Variants in CNTNAP3B observed in about 807,000 individuals in gnomAD.
CNTNAP3B encodes the protein contactin associated protein family member 3B.
In CNTNAP3B, 25 loss-of-function variants were observed where a neutral mutation model predicts 108.9. The ratio of observed to expected loss-of-function variants is 0.23; its 90% CI spans 0.17 to 0.32. The LOEUF (loss-of-function observed/expected upper bound fraction) is 0.32. CNTNAP3B is among the 10% of genes least tolerant of loss of function. The pLI is 1.00. For missense variants in CNTNAP3B, 252 were observed against 1,210.4 expected (o/e 0.21, Z 11.75); for synonymous variants, 103 against 473.4 (o/e 0.22, Z 10.16).
chr9:41,997,093 T>C (rs1210634399), intron 6 of CNTNAP3B, among the ~76,000 whole-genome samples: 2 of 139,376 alleles, frequency 1.4e-5, no homozygotes, highest in Non-Finnish European at 3.1e-5. Context: ...CAGGATATTA[T>C]TTATATGTGA....
intron 9 of CNTNAP3B, among the ~76,000 whole-genome samples, chr9:41,983,906 C>T (rs1481770116): frequency 4.1e-5 from 4 of 97,076 alleles, no homozygotes; most frequent in African/African-American, 1.6e-4. Flanking sequence ...AAAAATTAGC[C>T]AGATGTGATG....
At position 41,968,802 on chromosome 9, in the gene CNTNAP3B, T is replaced by TTTA; in HGVS notation, c.1649+1271_1649+1272insTAA. 2.4e-3 allele frequency among the ~76,000 whole-genome samples: 3 copies of TTTA among 1,230 alleles called. No homozygotes were observed. The South Asian group carries it at 0.052, about 21-fold the overall frequency. The allele number at this position is 1,230 out of a possible 152,430, so 0.8% of individuals were successfully genotyped here. On this transcript the variant is annotated intron_variant, in intron 10 of 23. Transcript: ENST00000377561. ...AAGTTCTACCAGATGCAGATATAACTTTTTTTTTTTTTTTGAGAAGAGTCT... is the reference window on the plus strand; with the variant it reads ...AAGTTCTACCAGATGCAGATATAACTTTATTTTTTTTTTTTTTGAGAAGAGTCT...
chr9:42,029,934 A>C (rs1587211923), intron 3 of CNTNAP3B, among the ~76,000 whole-genome samples: 1 of 29,026 alleles, frequency 3.4e-5, no homozygotes, highest in South Asian at 8.0e-4. Context: ...CGAGGTCAGG[A>C]GATCAAGACC....
Position 42,120,653 on chromosome 9 carries a change from T to A in CNTNAP3B, c.85+8357A>T, listed in dbSNP as rs1397842012. ...AATACTATGCAGCCATAAAAAATGA[T>A]GAGTTCATGTCCTTTGTAGGGACAT... On this transcript the variant is annotated intron_variant, in intron 1 of 23. Coordinates refer to ENST00000377561, the MANE Select transcript of CNTNAP3B (RefSeq NM_001201380.3). Among the ~76,000 whole-genome samples, 6 of 136,960 alleles carry A rather than the reference T, an allele frequency of 4.4e-5. 1 individual carries two copies. The highest frequency in any genetic ancestry group is 9.3e-5 in the Non-Finnish European group (6 of 64,452). 89.9% of individuals were successfully genotyped at this position (136,960 alleles called of 152,430 possible). A position where few individuals can be genotyped will look rare whatever the true frequency, so the allele number is the denominator to read the frequency against.
At chr9:41,953,887 A>AC (rs1206045092) in intron 12 of CNTNAP3B, among the ~76,000 whole-genome samples, 1 of 151,770 alleles carries the variant, frequency 6.6e-6, no homozygotes, top group Non-Finnish European at 1.5e-5. Flanking sequence ...TCCATCAGTG[A>AC]CCAAGCCCAG....
intron 3 of CNTNAP3B, among the ~76,000 whole-genome samples, chr9:42,032,906 A>G (rs548669383): frequency 3.0e-4 from 41 of 136,364 alleles, no homozygotes; most frequent in African/African-American, 1.2e-3. Context: ...TTCCTATAAG[A>G]CCACCGTCCT....
At chr9:41,972,861 A>T (rs1825446049) in intron 9 of CNTNAP3B, among the ~76,000 whole-genome samples, 1 of 135,860 alleles carries the variant, frequency 7.4e-6, no homozygotes, top group Admixed American at 7.5e-5. Context: ...TCCAGTAATG[A>T]ATTATAGGAA....
intron 9 of CNTNAP3B, among the ~76,000 whole-genome samples, chr9:41,970,766 G>A (rs1825412284): frequency 7.6e-6 from 1 of 132,354 alleles, no homozygotes; most frequent in Admixed American, 7.6e-5. Flanking sequence ...GTATATTTGG[G>A]AGTATTTAAA....
intron 1 of CNTNAP3B, among the ~76,000 whole-genome samples, chr9:42,109,537 C>A (rs1166405028): frequency 6.8e-6 from 1 of 147,076 alleles, no homozygotes. Flanking sequence ...GACAACTGAT[C>A]CTTTGGGGAG....
At chr9:41,934,605 A>G (rs1193245439) in intron 14 of CNTNAP3B, among the ~76,000 whole-genome samples, 2 of 152,294 alleles carry the variant, frequency 1.3e-5, no homozygotes, top group Admixed American at 1.3e-4. Context: ...CATTAGATAG[A>G]GTTCAAGTTT....
intron 1 of CNTNAP3B, among the ~76,000 whole-genome samples, chr9:42,107,493 C>T (rs1202690604): frequency 2.4e-5 from 3 of 124,608 alleles, no homozygotes; most frequent in Non-Finnish European, 4.9e-5. Flanking sequence ...GTGTGTTTCA[C>T]GAGTTTCAGA....
In CNTNAP3B at chr9:42,112,608, A is replaced by G. The variant is rs1307951703; in HGVS notation, c.86-7869T>C. Among the ~76,000 whole-genome samples, 11 of 137,460 alleles carry G rather than the reference A, an allele frequency of 8.0e-5. 3 individuals carry two copies. The highest frequency in any genetic ancestry group is 2.6e-4 in the African/African-American group (9 of 34,354). The allele number at this position is 137,460 out of a possible 152,430, so 90.2% of individuals were successfully genotyped here. A position where few individuals can be genotyped will look rare whatever the true frequency, so the allele number is the denominator to read the frequency against. ...ACATAGAAACAGGTTTAAATTCTAT[A>G]AATTAGAATTTACAGGGGGTAGGAG... On this transcript the variant is annotated intron_variant, in intron 1 of 23. Transcript: ENST00000377561.
At chr9:41,972,873 A>G in intron 9 of CNTNAP3B, among the ~76,000 whole-genome samples, 1 of 134,468 alleles carries the variant, frequency 7.4e-6, no homozygotes, top group East Asian at 2.3e-4. Flanking sequence ...TTATAGGAAT[A>G]TCAACAGTTC....
chr9:42,051,534 T>G, intron 3 of CNTNAP3B, among the ~76,000 whole-genome samples: 1 of 113,830 alleles, frequency 8.8e-6, no homozygotes, highest in Non-Finnish European at 1.8e-5. Context: ...TACAAATTAA[T>G]GAGATGTGAT....
At chr9:41,943,595 G>A (rs1049642907) in intron 13 of CNTNAP3B, among the ~76,000 whole-genome samples, 521 of 150,956 alleles carry the variant, frequency 3.5e-3, no homozygotes, top group African/African-American at 0.012. Context: ...CTTGTGATCC[G>A]CCCGCCTCGG....
chr9:41,979,978 T>C, intron 9 of CNTNAP3B: 1 of 82,990 alleles, frequency 1.2e-5, no homozygotes, highest in African/African-American at 5.5e-5. Flanking sequence ...TTGGCCATTG[T>C]CCAAGGGTTT....
chr9:41,945,936 T>A (rs1221847332), intron 13 of CNTNAP3B, among the ~76,000 whole-genome samples: 9 of 152,252 alleles, frequency 5.9e-5, no homozygotes, highest in Non-Finnish European at 1.2e-4. Context: ...ACAGAGTATC[T>A]AAATTAATTT....
rs562969275 is a variant in CNTNAP3B at position 42,001,427 on chromosome 9, T to C, written c.539-2823A>G. Among the ~76,000 whole-genome samples the C allele has an allele frequency of 2.8e-4, 38 of 135,114 alleles. 3 individuals carry two copies. The highest frequency in any genetic ancestry group is 1.6e-3 in the Admixed American group (22 of 13,446). 88.6% of individuals were successfully genotyped at this position (135,114 alleles called of 152,430 possible). On this transcript the variant is annotated intron_variant, in intron 4 of 23. Coordinates refer to ENST00000377561, the MANE Select transcript of CNTNAP3B (RefSeq NM_001201380.3). ...AGACCCCATTTCAAGAAAAAAACAG[T>C]TCTACCTAGCCATAATCAATGCAAA... is the stretch of plus-strand genomic sequence containing the variant.
chr9:42,098,705 C>A (rs1335649013), intron 2 of CNTNAP3B, among the ~76,000 whole-genome samples: 1 of 115,524 alleles, frequency 8.7e-6, no homozygotes, highest in Non-Finnish European at 1.8e-5. Context: ...GAAAAACCAC[C>A]AACTATGGTT....
Sources: allele counts gnomAD v4.1 joint callset (sites outside exome capture counted in the v4.1 genomes callset), GRCh38; gene constraint gnomAD v4.1.1; transcripts MANE v1.5; gene names NCBI Gene and HGNC (gene_info 2026-07-23, HGNC 2026-07-21).